ASMTL: variants seen among roughly 807,000 people sequenced by gnomAD.
ASMTL encodes acetylserotonin O-methyltransferase like.
In ASMTL, 57 loss-of-function variants were observed where a neutral mutation model predicts 60.3. That is an observed-to-expected ratio of 0.95 (90% CI 0.76 to 1.18). The LOEUF (loss-of-function observed/expected upper bound fraction) is 1.18, where lower values mean the gene tolerates loss of function less well. Ranked by LOEUF, ASMTL falls within the 50% of genes most tolerant of loss-of-function variation. The pLI is 0.00. For synonymous variants in ASMTL, 419 were observed against 373.0 expected (o/e 1.12, Z -1.42); for missense variants, 981 against 852.6 (o/e 1.15, Z -1.88).
chrX:1,438,783 C>T (rs374908257), intron 3 of ASMTL, among the ~76,000 whole-genome samples: 10 of 152,252 alleles, frequency 6.6e-5, no homozygotes, highest in Middle Eastern at 3.4e-3. Context: ...TTAGCCACCA[C>T]GTCTGGCTAA....
chrX:1,414,856 T>G (rs5025697), intron 11 of ASMTL, among the ~76,000 whole-genome samples: 145,349 of 152,024 alleles, frequency 0.96, 69,714 homozygotes, highest in East Asian at 1. Context: ...TGGGGGAGGG[T>G]TGTGGAGGTC....
At chrX:1,411,800 G>A (rs1383742882) in intron 12 of ASMTL, among the ~76,000 whole-genome samples, 2 of 133,016 alleles carry the variant, frequency 1.5e-5, no homozygotes, top group African/African-American at 2.8e-5. Context: ...TTCTCTTTAG[G>A]ATTTTCTTTT....
rs774486463 is a variant in ASMTL, at chrX:1,427,864, C to T, written c.767G>A (p.Arg256His). 5.9e-5 allele frequency: 95 copies of T among 1,613,152 alleles called. No homozygotes were observed. Among genetic ancestry groups the T allele is most frequent in the Middle Eastern group, 3.3e-4 (2 of 5,974 alleles). The change falls in exon 7 of 13, where the codon CGC becomes CAC. Residue 256 changes from arginine (R) to histidine (H), a missense_variant. Coordinates refer to ENST00000381317, the MANE Select transcript of ASMTL (RefSeq NM_004192.4). Reference sequence around the variant, plus strand: ...CTCTCCCGCCTCGGCCTTCTCATCGCGGCTGCCCGCGTCCCTCTGAGTGGG... The same window carrying T: ...CTCTCCCGCCTCGGCCTTCTCATCGTGGCTGCCCGCGTCCCTCTGAGTGGG... The part of the protein sequence containing the change: ...SEPTQRDAGS[R>H]DEKAEAGEAG...
intron 12 of ASMTL, among the ~76,000 whole-genome samples, chrX:1,404,255 ATAGATGGATGCATGGAT>A (rs1355392653): frequency 6.6e-6 from 1 of 151,104 alleles, no homozygotes; most frequent in East Asian, 1.9e-4. Flanking sequence ...GAATGGATGG[ATAGATGGATGCATGGAT>A]GAGATGGATG....
chrX:1,442,650 C>T (rs1288703805), intron 1 of ASMTL, among the ~76,000 whole-genome samples: 1 of 152,140 alleles, frequency 6.6e-6, no homozygotes, highest in Non-Finnish European at 1.5e-5. Context: ...GGCCTTGAAC[C>T]CACGAGCCAA....
At position 1,415,944 on chromosome X, in the gene ASMTL, G is replaced by A. The variant is rs1306741483; in HGVS notation, c.1522+2029C>T. Among the ~76,000 whole-genome samples the A allele has an allele frequency of 2.6e-5, 4 of 151,722 alleles. No individual in the cohort carries two copies. The South Asian group carries it at 6.3e-4, about 24-fold the overall frequency. ...CACACGCCACAAGACATGCACACAC[G>A]GACACATGCAGGACACAGATACACT... is the stretch of plus-strand genomic sequence containing the variant. On this transcript the variant is annotated intron_variant, in intron 11 of 12. Transcript: ENST00000381317.
chrX:1,437,082 T>C (rs1431392631), intron 3 of ASMTL, among the ~76,000 whole-genome samples: 7 of 150,550 alleles, frequency 4.6e-5, no homozygotes, highest in Admixed American at 4.6e-4. Flanking sequence ...TATGAGATGC[T>C]TTAGTCCATC....
At chrX:1,449,299 G>T in intron 1 of ASMTL, among the ~76,000 whole-genome samples, 1 of 151,946 alleles carries the variant, frequency 6.6e-6, no homozygotes, top group South Asian at 2.1e-4. Context: ...ACCTCTTGAA[G>T]GTGCCCCCAG....
chrX:1,423,514 A>G (rs182932165), intron 8 of ASMTL, among the ~76,000 whole-genome samples: 41 of 152,142 alleles, frequency 2.7e-4, no homozygotes, highest in African/African-American at 9.4e-4. Flanking sequence ...AGTTCTGTTC[A>G]ATTCAGAAAA....
chrX:1,403,254 C>T lies in ASMTL; in HGVS notation c.*15G>A. The T allele has an allele frequency of 6.2e-7, 1 of 1,610,058 alleles. No individual in the cohort carries two copies. The highest frequency in any genetic ancestry group is 8.5e-7 in the Non-Finnish European group (1 of 1,178,252). On this transcript the variant is annotated 3_prime_UTR_variant, in exon 13 of 13. Coordinates refer to ENST00000381317, the MANE Select transcript of ASMTL (RefSeq NM_004192.4). ...TGGGGGAGGACATCCCTATAATGAA[C>T]ATGCTGCCTGGGCTTCAGGGGGCCA...
In ASMTL at chrX:1,416,782, C is replaced by CACACACAGACGT. The variant is rs2090294034; in HGVS notation, c.1522+1190_1522+1191insACGTCTGTGTGT. ...AGACACATGCACACACAGACGTACA[C>CACACACAGACGT]ACAAGCACAGCAGTGACATGCACAC... On this transcript the variant is annotated intron_variant, in intron 11 of 12. Transcript: ENST00000381317. Among the ~76,000 whole-genome samples, 3 of 16,682 alleles carry CACACACAGACGT rather than the reference C, an allele frequency of 1.8e-4. No individual in the cohort carries two copies. The South Asian group carries it at 0.017, about 94-fold the overall frequency. The allele number at this position is 16,682 out of a possible 152,430, so 10.9% of individuals were successfully genotyped here.
At chrX:1,439,645 G>A (rs184536119) in intron 2 of ASMTL, among the ~76,000 whole-genome samples, 20,933 of 151,864 alleles carry the variant, frequency 0.14, 1,580 homozygotes, top group African/African-American at 0.2. Flanking sequence ...TCAGGAGTTC[G>A]AGACCAGCCT....
At chrX:1,418,959 G>T (rs759710887) in intron 10 of ASMTL, 23 bp downstream of exon 10, 1 of 1,611,054 alleles carries the variant, frequency 6.2e-7, no homozygotes, top group Admixed American at 1.7e-5. Context: ...AGTAAGGAGA[G>T]CCCTGGCGGG....
intron 9 of ASMTL, among the ~76,000 whole-genome samples, chrX:1,420,960 A>ATTT (rs57552675): frequency 0.047 from 6,399 of 135,386 alleles, 563 homozygotes; most frequent in African/African-American, 0.17. Flanking sequence ...CTAATCGTTA[A>ATTT]TTTTTTTTTT....
intron 2 of ASMTL, 178 bp from the exon 3 acceptor site, chrX:1,439,322 C>T (rs772962121): frequency 1.2e-5 from 2 of 163,016 alleles, no homozygotes; most frequent in African/African-American, 2.4e-5. Flanking sequence ...CGCCGGTGGT[C>T]GCCCTGCAGG....
At chrX:1,429,331 C>T (rs746593531) in intron 6 of ASMTL, among the ~76,000 whole-genome samples, 30 of 151,920 alleles carry the variant, frequency 2.0e-4, no homozygotes, top group Admixed American at 1.9e-3. Flanking sequence ...GCTGTAATCT[C>T]AGCCTCCCAC....
intron 5 of ASMTL, among the ~76,000 whole-genome samples, 186 bp from the exon 6 acceptor site, chrX:1,432,563 C>T (rs1416529001): frequency 1.3e-5 from 2 of 152,240 alleles, no homozygotes; most frequent in Non-Finnish European, 2.9e-5. Context: ...GGCGCGGTGG[C>T]TCACGCCTGT....
At chrX:1,408,023 G>C (rs2089930724) in intron 12 of ASMTL, among the ~76,000 whole-genome samples, 1 of 148,104 alleles carries the variant, frequency 6.8e-6, no homozygotes, top group South Asian at 2.2e-4. Context: ...AACATCGCAA[G>C]ATCCCATCTC....
rs761606301 is a variant in ASMTL, at chrX:1,439,104, G to A, written c.266C>T (p.Thr89Met). The change falls in exon 3 of 13, where the codon ACG becomes ATG. Residue 89 changes from threonine to methionine, a missense_variant. Coordinates refer to ENST00000381317, the MANE Select transcript of ASMTL (RefSeq NM_004192.4). ...RAPDVVIGADTIVTVGGLILE... is the reference protein window; with the variant it reads ...RAPDVVIGADMIVTVGGLILE... ...CACCCTGGCCGCACTCACCACGATC[G>A]TGTCCGCTCCAATGACCACGTCGGG... 3.7e-5 allele frequency: 60 copies of A among 1,614,004 alleles called. No homozygotes were observed. Among genetic ancestry groups the A allele is most frequent in the Middle Eastern group, 1.7e-4 (1 of 6,056 alleles).
Sources: allele counts gnomAD v4.1 joint callset (sites outside exome capture counted in the v4.1 genomes callset), GRCh38; gene constraint gnomAD v4.1.1; transcripts MANE v1.5; gene names NCBI Gene and HGNC (gene_info 2026-07-23, HGNC 2026-07-21).